Variants in COG5 observed in about 807,000 individuals in gnomAD.
The protein encoded by COG5 is component of oligomeric golgi complex 5, also known as conserved oligomeric Golgi complex subunit 5.
In COG5, 86 loss-of-function variants were observed where a neutral mutation model predicts 110.4. The observed-to-expected ratio is 0.78, with a 90% confidence interval of 0.65 to 0.93. The LOEUF (loss-of-function observed/expected upper bound fraction) is 0.93. Among genes scored for constraint, COG5 ranks in the 40% least tolerant of loss-of-function variants. COG5 has a pLI of 0.00. For missense variants in COG5, 1,077 were observed against 987.0 expected, an observed-to-expected ratio of 1.09 and a Z score of -1.22; for synonymous variants, 360 against 334.6, an observed-to-expected ratio of 1.08 and a Z score of -0.83.
chr7:107,540,238 G>A (rs1341261118), intron 5 of COG5, among the ~76,000 whole-genome samples: 3 of 152,150 alleles, frequency 2.0e-5, no homozygotes, highest in African/African-American at 7.2e-5. Flanking sequence ...ACTAGCCCTA[G>A]GCTAAAGGCT....
At chr7:107,357,296 T>G (rs1812712056) in intron 10 of COG5, among the ~76,000 whole-genome samples, 1 of 152,206 alleles carries the variant, frequency 6.6e-6, no homozygotes, top group South Asian at 2.1e-4. Flanking sequence ...ACTTTTCTCT[T>G]GCTCTGGAAT....
Position 107,415,978 on chromosome 7 carries a change from G to A in COG5, c.539-3346C>T, listed in dbSNP as rs868269184. ...TGTGTGTATATACACACACATACACGTATGTATATATGTGTGTATATATAC... is the reference window on the plus strand; with the variant it reads ...TGTGTGTATATACACACACATACACATATGTATATATGTGTGTATATATAC... On this transcript the variant is annotated intron_variant, in intron 6 of 21. Coordinates refer to ENST00000297135, the MANE Select transcript of COG5 (RefSeq NM_006348.5). Among the ~76,000 whole-genome samples, 9 of 109,748 alleles carry A rather than the reference G, an allele frequency of 8.2e-5. 1 individual carries two copies. The highest frequency in any genetic ancestry group is 3.0e-4 in the East Asian group (1 of 3,380). 72.0% of individuals were successfully genotyped at this position (109,748 alleles called of 152,430 possible). A position where few individuals can be genotyped will look rare whatever the true frequency, so the allele number is the denominator to read the frequency against.
intron 10 of COG5, among the ~76,000 whole-genome samples, chr7:107,350,429 T>C (rs1381501868): frequency 1.3e-5 from 2 of 152,304 alleles, no homozygotes; most frequent in East Asian, 3.9e-4. Flanking sequence ...TTTAAGTCAC[T>C]TGTTTCTCAA....
chr7:107,442,671 GA>G (rs1794789371), intron 6 of COG5, among the ~76,000 whole-genome samples: 1 of 147,986 alleles, frequency 6.8e-6, no homozygotes, highest in African/African-American at 2.5e-5. Flanking sequence ...GTCTATACGA[GA>G]AACTTGTAGC....
chr7:107,238,661 G>A (rs1801385781), intron 17 of COG5, among the ~76,000 whole-genome samples: 1 of 152,018 alleles, frequency 6.6e-6, no homozygotes, highest in Non-Finnish European at 1.5e-5. Flanking sequence ...TTCACACTCG[G>A]TATCTTTCAT....
chr7:107,562,280 A>G (rs1033507731), intron 1 of COG5, among the ~76,000 whole-genome samples: 2 of 152,228 alleles, frequency 1.3e-5, no homozygotes, highest in African/African-American at 4.8e-5. Flanking sequence ...AAGAGTATTT[A>G]CCGTCCAAGA....
intron 19 of COG5, among the ~76,000 whole-genome samples, chr7:107,226,040 T>TCA (rs1221045372): frequency 2.6e-5 from 4 of 151,754 alleles, no homozygotes; most frequent in South Asian, 2.1e-4. Flanking sequence ...CGAGACATCA[T>TCA]CACACACACA....
intron 7 of COG5, among the ~76,000 whole-genome samples, chr7:107,397,320 A>G (rs1009803667): frequency 6.6e-6 from 1 of 152,206 alleles, no homozygotes; most frequent in Non-Finnish European, 1.5e-5. Flanking sequence ...ATGATGGGAC[A>G]AGCAAAAGCA....
chr7:107,423,328 A>G (rs1440442315), intron 6 of COG5, among the ~76,000 whole-genome samples: 1 of 152,216 alleles, frequency 6.6e-6, no homozygotes, highest in Non-Finnish European at 1.5e-5. Flanking sequence ...AGATATAACT[A>G]TGGACCTCAC....
At position 107,277,084 on chromosome 7, in the gene COG5, A is replaced by G. The variant is rs1368650968; in HGVS notation, c.1575+4216T>C. On this transcript the variant is annotated intron_variant, in intron 14 of 21. Transcript: ENST00000297135. ...TGAAATCATCTAACTATACATTAAG[A>G]GCACAGAAGTAAAATAAACTATTCT... 3.3e-5 allele frequency among the ~76,000 whole-genome samples: 5 copies of G among 152,338 alleles called. No individual in the cohort carries two copies. In the East Asian group the frequency reaches 7.7e-4, roughly 23 times the overall value.
intron 10 of COG5, among the ~76,000 whole-genome samples, chr7:107,330,832 T>C (rs1309307459): frequency 2.0e-5 from 3 of 151,422 alleles, no homozygotes; most frequent in African/African-American, 7.3e-5. Flanking sequence ...CCTTTTTTTT[T>C]TTTTTTTTGA....
intron 10 of COG5, among the ~76,000 whole-genome samples, chr7:107,330,596 A>C (rs193119002): frequency 6.6e-6 from 1 of 152,312 alleles, no homozygotes; most frequent in Admixed American, 6.5e-5. Context: ...ACATTGAATA[A>C]GGTCCAAATT....
chr7:107,336,133 T>C (rs540254887), intron 10 of COG5, among the ~76,000 whole-genome samples: 2 of 152,260 alleles, frequency 1.3e-5, no homozygotes, highest in Admixed American at 6.5e-5. Context: ...CTATTCACAA[T>C]AGCCAAAGTA....
chr7:107,310,799 C>T (rs947679719), intron 11 of COG5, among the ~76,000 whole-genome samples: 2 of 152,148 alleles, frequency 1.3e-5, no homozygotes, highest in African/African-American at 2.4e-5. Context: ...AGGACTGAGA[C>T]AGCTGGATAA....
At chr7:107,525,779 T>A (rs1184249114) in intron 6 of COG5, among the ~76,000 whole-genome samples, 1 of 152,138 alleles carries the variant, frequency 6.6e-6, no homozygotes, top group Non-Finnish European at 1.5e-5. Flanking sequence ...AGAGGAGATC[T>A]GTTCTGTTCA....
At chr7:107,563,610 A>T in intron 1 of COG5, 193 bp downstream of exon 1, 1 of 674,220 alleles carries the variant, frequency 1.5e-6, no homozygotes, top group East Asian at 2.8e-5. Context: ...AGACTCCAGA[A>T]AAGAGGGAGC....
chr7:107,527,323 A>G lies in COG5; in HGVS notation c.452T>C (p.Ile151Thr). The G allele has an allele frequency of 6.2e-7, 1 of 1,613,520 alleles. No homozygotes were observed. The highest frequency in any genetic ancestry group is 8.5e-7 in the Non-Finnish European group (1 of 1,179,774). The change falls in exon 6 of 22, where the codon ATC becomes ACC. Residue 151 changes from isoleucine (I) to threonine (T), a missense_variant. Ile to Thr is a moderately conservative substitution (Grantham distance 89). Coordinates refer to ENST00000297135, the MANE Select transcript of COG5 (RefSeq NM_006348.5). ...TTGGAGTCTCTTACTGAGATTCAAG[A>G]TACGAATAATCCTCCGAAGCAAATC... Reference protein sequence around the residue: ...ACDLLRRIIRILNLSKRLQGQ... With the variant: ...ACDLLRRIIRTLNLSKRLQGQ...
At chr7:107,276,033 C>T (rs1021899769) in intron 14 of COG5, among the ~76,000 whole-genome samples, 1 of 152,112 alleles carries the variant, frequency 6.6e-6, no homozygotes, top group African/African-American at 2.4e-5. Context: ...TACATAGCTA[C>T]TGATCTGCAT....
At chr7:107,507,438 CA>C (rs372702782) in intron 6 of COG5, among the ~76,000 whole-genome samples, 6,095 of 149,934 alleles carry the variant, frequency 0.041, 182 homozygotes, top group Middle Eastern at 0.11. Flanking sequence ...GGACTACAGG[CA>C]CCCACCACCA....
Sources: allele counts gnomAD v4.1 joint callset (sites outside exome capture counted in the v4.1 genomes callset), GRCh38; gene constraint gnomAD v4.1.1; transcripts MANE v1.5; gene names NCBI Gene and HGNC (gene_info 2026-07-23, HGNC 2026-07-21).